Variants in ANOS1 observed in about 807,000 individuals in gnomAD.
The protein encoded by ANOS1 is anosmin 1.
ANOS1 carries 6 observed loss-of-function variants against 59.0 expected under a neutral mutation model. The observed-to-expected ratio is 0.10, with a 90% CI of 0.06 to 0.20. ANOS1 has a LOEUF of 0.20. Ranked by LOEUF, ANOS1 falls within the 10% of genes least tolerant of loss-of-function variation. The pLI, the probability that ANOS1 is intolerant of heterozygous loss-of-function variation, is 1.00. For synonymous variants in ANOS1, 217 were observed against 223.4 expected, an observed-to-expected ratio of 0.97 and a Z score of 0.25; for missense variants, 433 against 542.3, an observed-to-expected ratio of 0.80 and a Z score of 2.00.
chrX:8,567,820 A>C (rs779854053), intron 8 of ANOS1, among the ~76,000 whole-genome samples: 1 of 111,606 alleles, frequency 9.0e-6, no homozygotes, highest in African/African-American at 3.3e-5. Context: ...ACAAAACAAA[A>C]CAAAACAACA....
At chrX:8,584,719 T>C (rs1344427034) in intron 6 of ANOS1, among the ~76,000 whole-genome samples, 1 of 112,108 alleles carries the variant, frequency 8.9e-6, no homozygotes, top group Admixed American at 9.5e-5. Context: ...CCGTCACAGA[T>C]TAACCACAAA....
At chrX:8,593,276 T>C (rs1230401521) in intron 4 of ANOS1, among the ~76,000 whole-genome samples, 1 of 111,682 alleles carries the variant, frequency 9.0e-6, no homozygotes, top group Admixed American at 9.5e-5. Flanking sequence ...CCAATGCCCA[T>C]TATAGATGAC....
At chrX:8,642,122 G>A (rs963854256) in intron 2 of ANOS1, among the ~76,000 whole-genome samples, 4 of 111,113 alleles carry the variant, frequency 3.6e-5, no homozygotes, top group Non-Finnish European at 7.6e-5. Context: ...AATTACTGAC[G>A]AATGAATGAA....
chrX:8,570,738 T>G lies in ANOS1; in HGVS notation c.857-34A>C, dbSNP rs778286354. 4.0e-4 allele frequency: 446 copies of G among 1,109,823 alleles called. 4 individuals carry two copies. In the South Asian group the frequency reaches 8.0e-3, roughly 20 times the overall value. 91.5% of individuals were successfully genotyped at this position (1,109,823 alleles called of 1,213,427 possible). A position where few individuals can be genotyped will look rare whatever the true frequency, so the allele number is the denominator to read the frequency against. On this transcript the variant is annotated intron_variant, in intron 6 of 13. Coordinates refer to ENST00000262648, the MANE Select transcript of ANOS1 (RefSeq NM_000216.4). ...CCAGTACAAAGACACATCATATGAC[T>G]CCACAAAACTAACATCTTTGGACAT...
intron 2 of ANOS1, among the ~76,000 whole-genome samples, chrX:8,655,425 C>A (rs1032262708): frequency 2.7e-5 from 3 of 111,768 alleles, no homozygotes; most frequent in Non-Finnish European, 3.8e-5. Flanking sequence ...GCTGTAAATA[C>A]AGAATAAGCT....
chrX:8,556,160 T>C (rs1295784865), intron 8 of ANOS1, among the ~76,000 whole-genome samples: 1 of 111,880 alleles, frequency 8.9e-6, no homozygotes. Flanking sequence ...CTCAATAAAC[T>C]AGGTATTGAT....
intron 2 of ANOS1, among the ~76,000 whole-genome samples, chrX:8,645,275 G>A (rs1931733043): frequency 8.9e-6 from 1 of 112,354 alleles, no homozygotes; most frequent in Admixed American, 9.4e-5. Flanking sequence ...GCATCCTGTT[G>A]TCCAGCAGGA....
At chrX:8,718,477 A>T (rs1932854531) in intron 1 of ANOS1, among the ~76,000 whole-genome samples, 1 of 112,624 alleles carries the variant, frequency 8.9e-6, no homozygotes, top group Non-Finnish European at 1.9e-5. Context: ...TTCTTGCCAC[A>T]GATGAAATTT....
intron 2 of ANOS1, among the ~76,000 whole-genome samples, chrX:8,627,611 T>C (rs965194044): frequency 1.4e-4 from 16 of 111,762 alleles, no homozygotes; most frequent in African/African-American, 4.9e-4. Flanking sequence ...GCCAACATTT[T>C]CTTTTAATAA....
At chrX:8,690,665 T>C (rs905586622) in intron 2 of ANOS1, among the ~76,000 whole-genome samples, 1 of 111,812 alleles carries the variant, frequency 8.9e-6, no homozygotes, top group South Asian at 3.8e-4. Context: ...CATATTCAGA[T>C]GTGTTTCAGA....
intron 2 of ANOS1, among the ~76,000 whole-genome samples, chrX:8,688,074 T>A (rs1012336900): frequency 1.8e-5 from 2 of 110,966 alleles, no homozygotes; most frequent in Non-Finnish European, 3.8e-5. Context: ...TAAGGTGGAG[T>A]CAAAATTATG....
At chrX:8,648,416 G>A (rs866145844) in intron 2 of ANOS1, among the ~76,000 whole-genome samples, 10 of 103,124 alleles carry the variant, frequency 9.7e-5, no homozygotes, top group Non-Finnish European at 1.4e-4. Context: ...AGCTGAAATC[G>A]TGCCACTGTA....
intron 1 of ANOS1, among the ~76,000 whole-genome samples, chrX:8,707,063 C>T (rs1026931994): frequency 9.0e-6 from 1 of 111,244 alleles, no homozygotes; most frequent in Non-Finnish European, 1.9e-5. Flanking sequence ...TGCACTTCTC[C>T]CCCCAGGCAC....
intron 8 of ANOS1, among the ~76,000 whole-genome samples, chrX:8,563,337 G>T (rs1930061786): frequency 8.9e-6 from 1 of 112,198 alleles, no homozygotes; most frequent in Non-Finnish European, 1.9e-5. Flanking sequence ...AGTTTTAAAA[G>T]ATAATTAGCA....
At chrX:8,602,764 G>T (rs1197547999) in intron 3 of ANOS1, among the ~76,000 whole-genome samples, 1 of 109,726 alleles carries the variant, frequency 9.1e-6, no homozygotes, top group Non-Finnish European at 1.9e-5. Context: ...TATTTTGAGA[G>T]AGTCTCACTC....
chrX:8,566,916 T>C (rs1309482233), intron 8 of ANOS1, among the ~76,000 whole-genome samples: 1 of 111,767 alleles, frequency 8.9e-6, no homozygotes, highest in African/African-American at 3.3e-5. Context: ...TTCAGACAAA[T>C]GTTTAACACA....
chrX:8,622,766 G>T (rs1015914410), intron 3 of ANOS1, among the ~76,000 whole-genome samples: 35 of 112,366 alleles, frequency 3.1e-4, no homozygotes, highest in African/African-American at 1.1e-3. Context: ...ATCCAGGCTG[G>T]TACAGGGCCT....
At chrX:8,650,763 C>T (rs183843586) in intron 2 of ANOS1, among the ~76,000 whole-genome samples, 36 of 111,866 alleles carry the variant, frequency 3.2e-4, no homozygotes, top group African/African-American at 1.1e-3. Context: ...TTATCGCCCA[C>T]AGGAGGCTGT....
intron 2 of ANOS1, among the ~76,000 whole-genome samples, chrX:8,691,136 C>T (rs927036155): frequency 1.9e-5 from 2 of 105,488 alleles, no homozygotes; most frequent in Admixed American, 1.0e-4. Flanking sequence ...TGCAGTGGAG[C>T]GATCTCAGCT....
Sources: gnomAD v4.1 joint callset for allele counts (sites outside exome capture counted in the v4.1 genomes callset) on GRCh38, gnomAD v4.1.1 for gene constraint, MANE v1.5 for transcripts, NCBI Gene and HGNC (gene_info 2026-07-23, HGNC 2026-07-21) for gene names.